The following ENOX1 variants were observed in gnomAD, a reference collection of about 807,000 sequenced individuals.
ENOX1 encodes candidate growth-related and time keeping constitutive hydroquinone (NADH) oxidase.
In ENOX1, 42 loss-of-function variants were observed where a neutral mutation model predicts 82.5. That is an observed-to-expected ratio of 0.51 (90% CI 0.40 to 0.66). The LOEUF (loss-of-function observed/expected upper bound fraction) is 0.66. Ranked by LOEUF, ENOX1 falls within the 30% of genes least tolerant of loss-of-function variation. ENOX1 has a pLI of 0.00. For synonymous variants in ENOX1, 271 were observed against 282.2 expected (o/e 0.96, Z 0.40); for missense variants, 608 against 811.6 (o/e 0.75, Z 3.05).
intron 3 of ENOX1, among the ~76,000 whole-genome samples, chr13:43,434,936 GGTTTTTTT>G (rs1386643979): frequency 0.069 from 4,647 of 67,560 alleles, 178 homozygotes; most frequent in African/African-American, 0.2. Flanking sequence ...GTGTGTGTGT[GGTTTTTTT>G]TTTTTTTTTT....
intron 2 of ENOX1, among the ~76,000 whole-genome samples, chr13:43,513,778 G>A (rs540212264): frequency 6.6e-6 from 1 of 152,120 alleles, no homozygotes; most frequent in South Asian, 2.1e-4. Context: ...AATAAAAAAG[G>A]AGAAAAATCA....
At chr13:43,363,603 C>T (rs898266518) in intron 5 of ENOX1, among the ~76,000 whole-genome samples, 3 of 152,106 alleles carry the variant, frequency 2.0e-5, no homozygotes, top group Non-Finnish European at 4.4e-5. Context: ...AATCTCATTC[C>T]GTACATCGGC....
chr13:43,659,025 C>T (rs577382459), intron 2 of ENOX1, among the ~76,000 whole-genome samples: 8 of 152,124 alleles, frequency 5.3e-5, no homozygotes, highest in African/African-American at 1.9e-4. Flanking sequence ...AAGAACCAAT[C>T]CTCTAAGCTT....
intron 2 of ENOX1, among the ~76,000 whole-genome samples, chr13:43,599,322 A>C (rs1288559658): frequency 6.6e-6 from 1 of 151,994 alleles, no homozygotes; most frequent in Admixed American, 6.6e-5. Flanking sequence ...ATGGCAGTAC[A>C]TCCCACCATC....
chr13:43,446,369 A>G (rs1048637610), intron 3 of ENOX1, among the ~76,000 whole-genome samples: 1 of 152,084 alleles, frequency 6.6e-6, no homozygotes, highest in Admixed American at 6.5e-5. Flanking sequence ...GAAATTCTCC[A>G]TCTCACTGCC....
At chr13:43,715,111 G>A (rs2088021292) in intron 1 of ENOX1, among the ~76,000 whole-genome samples, 1 of 152,188 alleles carries the variant, frequency 6.6e-6, no homozygotes, top group East Asian at 1.9e-4. Flanking sequence ...GCCTGGTGGT[G>A]ACAAAATCTC....
chr13:43,714,743 C>CT (rs985055964), intron 1 of ENOX1, among the ~76,000 whole-genome samples: 1 of 151,984 alleles, frequency 6.6e-6, no homozygotes, highest in Non-Finnish European at 1.5e-5. Context: ...CAACCCCTGC[C>CT]TTTTTTTGTT....
At chr13:43,292,591 G>A (rs2046058082) in intron 12 of ENOX1, among the ~76,000 whole-genome samples, 1 of 150,418 alleles carries the variant, frequency 6.6e-6, no homozygotes, top group African/African-American at 2.5e-5. Flanking sequence ...CTGCACTTTT[G>A]AGGCTTTCCA....
At chr13:43,599,385 G>A (rs2081606011) in intron 2 of ENOX1, among the ~76,000 whole-genome samples, 1 of 151,948 alleles carries the variant, frequency 6.6e-6, no homozygotes, top group Non-Finnish European at 1.5e-5. Context: ...TGCAGTGATA[G>A]TGGGACTTTG....
At chr13:43,316,575 A>G (rs1226992772) in intron 11 of ENOX1, among the ~76,000 whole-genome samples, 2 of 152,180 alleles carry the variant, frequency 1.3e-5, no homozygotes, top group African/African-American at 4.8e-5. Flanking sequence ...CTTCTGCTAC[A>G]GGATCAATTT....
At chr13:43,391,047 C>G (rs1469613848) in intron 5 of ENOX1, among the ~76,000 whole-genome samples, 1 of 152,060 alleles carries the variant, frequency 6.6e-6, no homozygotes, top group Non-Finnish European at 1.5e-5. Context: ...AACCTTTAAC[C>G]CACTGACCTG....
intron 1 of ENOX1, among the ~76,000 whole-genome samples, chr13:43,780,211 A>G (rs935726537): frequency 6.6e-6 from 1 of 152,072 alleles, no homozygotes; most frequent in Non-Finnish European, 1.5e-5. Context: ...AGCCAAATAC[A>G]GTACCATTTA....
At position 43,616,134 on chromosome 13, in the gene ENOX1, C is replaced by CTATAGA. The variant is rs1566641081; in HGVS notation, c.-219+51344_-219+51345insTCTATA. On this transcript the variant is annotated intron_variant, in intron 2 of 16. Coordinates refer to ENST00000690772, the MANE Select transcript of ENOX1 (RefSeq NM_001347969.2). ...TATCTATAGATCTATAGATATCTAT[C>CTATAGA]TATCTAGATATCTATATAGATAGAT... Among the ~76,000 whole-genome samples, 45 of 18,006 alleles carry CTATAGA rather than the reference C, an allele frequency of 2.5e-3. 2 individuals carry two copies. Among genetic ancestry groups the CTATAGA allele is most frequent in the East Asian group, 9.3e-3 (3 of 322 alleles). 11.8% of individuals were successfully genotyped at this position (18,006 alleles called of 152,430 possible).
intron 2 of ENOX1, among the ~76,000 whole-genome samples, chr13:43,597,472 A>G (rs1178935981): frequency 6.6e-6 from 1 of 152,150 alleles, no homozygotes; most frequent in Non-Finnish European, 1.5e-5. Context: ...CACACAATAC[A>G]TCCAATCCAT....
chr13:43,744,996 G>T (rs182656844), intron 1 of ENOX1, among the ~76,000 whole-genome samples: 4 of 152,198 alleles, frequency 2.6e-5, no homozygotes, highest in Non-Finnish European at 4.4e-5. Flanking sequence ...GAGAAAACTG[G>T]AAAACATTCA....
chr13:43,303,211 G>T (rs1315617987), intron 11 of ENOX1, among the ~76,000 whole-genome samples: 1 of 152,226 alleles, frequency 6.6e-6, no homozygotes, highest in African/African-American at 2.4e-5. Flanking sequence ...GGCAGAGGCA[G>T]GCTGGCCTGG....
chr13:43,278,616 A>G (rs1244967819), intron 12 of ENOX1, among the ~76,000 whole-genome samples: 1 of 152,238 alleles, frequency 6.6e-6, no homozygotes, highest in Non-Finnish European at 1.5e-5. Flanking sequence ...TGCTTGCTTT[A>G]AAACTAAAAG....
chr13:43,737,766 G>A (rs2089703513), intron 1 of ENOX1, among the ~76,000 whole-genome samples: 1 of 152,120 alleles, frequency 6.6e-6, no homozygotes, highest in Non-Finnish European at 1.5e-5. Flanking sequence ...CATAATTTGT[G>A]ACCATCATGC....
chr13:43,367,567 T>A (rs1004071516), intron 5 of ENOX1, among the ~76,000 whole-genome samples: 2 of 152,026 alleles, frequency 1.3e-5, no homozygotes, highest in Admixed American at 6.6e-5. Flanking sequence ...GAGAAAGACA[T>A]GAAACTGATT....
Sources: allele counts gnomAD v4.1 joint callset (sites outside exome capture counted in the v4.1 genomes callset), GRCh38; gene constraint gnomAD v4.1.1; transcripts MANE v1.5; gene names NCBI Gene and HGNC (gene_info 2026-07-23, HGNC 2026-07-21).